Variants in BBS9 observed in about 807,000 individuals in gnomAD.
BBS9 encodes the protein Bardet-Biedl syndrome 9.
Under a neutral mutation model 117.7 loss-of-function variants are expected in BBS9, and 89 were observed. That is an observed-to-expected ratio of 0.76 (90% confidence interval 0.64 to 0.90). BBS9 has a LOEUF of 0.90. Among genes scored for constraint, BBS9 ranks in the 40% least tolerant of loss-of-function variants. The pLI is 0.00. For missense variants in BBS9, 982 were observed against 1,042.2 expected, an observed-to-expected ratio of 0.94 and a Z score of 0.80; for synonymous variants, 379 against 370.9, an observed-to-expected ratio of 1.02 and a Z score of -0.25.
At chr7:33,409,176 C>A (rs1057476973) in intron 19 of BBS9, among the ~76,000 whole-genome samples, 2 of 152,120 alleles carry the variant, frequency 1.3e-5, no homozygotes, top group Non-Finnish European at 2.9e-5. Context: ...CCCACTTGCC[C>A]ATTTTTGTTT....
intron 5 of BBS9, among the ~76,000 whole-genome samples, chr7:33,209,541 T>C (rs1216408855): frequency 6.6e-6 from 1 of 152,224 alleles, no homozygotes; most frequent in African/African-American, 2.4e-5. Context: ...ACAGTGATTG[T>C]ACTAATTATT....
At chr7:33,306,483 T>A (rs1257463633) in intron 9 of BBS9, among the ~76,000 whole-genome samples, 1 of 152,062 alleles carries the variant, frequency 6.6e-6, no homozygotes, top group African/African-American at 2.4e-5. Context: ...AAAATATGAG[T>A]CTTTTACAAT....
intron 9 of BBS9, among the ~76,000 whole-genome samples, chr7:33,285,082 C>CT (rs1802630606): frequency 1.3e-5 from 2 of 151,814 alleles, no homozygotes; most frequent in Admixed American, 1.3e-4. Context: ...AATTTGCTAC[C>CT]TTTGTTTAGA....
chr7:33,460,071 A>G (rs767099861), intron 19 of BBS9, among the ~76,000 whole-genome samples: 5 of 152,076 alleles, frequency 3.3e-5, no homozygotes, highest in African/African-American at 4.8e-5. Flanking sequence ...ACTTTTTACC[A>G]TATGTAGTTT....
chr7:33,166,474 A>G (rs767289455), intron 4 of BBS9, among the ~76,000 whole-genome samples: 14 of 152,272 alleles, frequency 9.2e-5, no homozygotes, highest in Admixed American at 7.8e-4. Context: ...GGTGGAGTCT[A>G]CAGAGGCAGA....
At chr7:33,492,892 G>C (rs1319071954) in intron 19 of BBS9, among the ~76,000 whole-genome samples, 2 of 150,550 alleles carry the variant, frequency 1.3e-5, no homozygotes, top group African/African-American at 4.9e-5. Context: ...AGTGGAAAAT[G>C]CTTGGGCTTT....
At chr7:33,458,127 T>C (rs1432914966) in intron 19 of BBS9, among the ~76,000 whole-genome samples, 1 of 152,184 alleles carries the variant, frequency 6.6e-6, no homozygotes, top group African/African-American at 2.4e-5. Context: ...CTGTGCACTT[T>C]TTTGTTTTTT....
At chr7:33,502,160 G>A (rs1031515305) in intron 19 of BBS9, among the ~76,000 whole-genome samples, 6 of 152,000 alleles carry the variant, frequency 3.9e-5, no homozygotes, top group East Asian at 1.9e-4. Flanking sequence ...TGCCCGCCTC[G>A]GCCTCCCAAA....
At chr7:33,411,157 C>T (rs1831078288) in intron 19 of BBS9, among the ~76,000 whole-genome samples, 1 of 151,572 alleles carries the variant, frequency 6.6e-6, no homozygotes, top group Admixed American at 6.6e-5. Context: ...GGATATTTGT[C>T]TAATGTTAAT....
intron 19 of BBS9, among the ~76,000 whole-genome samples, chr7:33,485,531 G>A (rs539108683): frequency 1.1e-3 from 172 of 152,000 alleles, no homozygotes; most frequent in Middle Eastern, 3.4e-3. Flanking sequence ...GGATGGTCTC[G>A]ATCTCCTGAC....
chr7:33,611,678 CTTAA>C (rs1023467570), intron 21 of BBS9, among the ~76,000 whole-genome samples: 6 of 129,990 alleles, frequency 4.6e-5, no homozygotes, highest in African/African-American at 8.7e-5. Flanking sequence ...ATATTTAATC[CTTAA>C]TTAATAATTA....
chr7:33,579,565 T>C (rs1245839848), intron 21 of BBS9, among the ~76,000 whole-genome samples: 2 of 152,312 alleles, frequency 1.3e-5, no homozygotes, highest in East Asian at 3.9e-4. Flanking sequence ...GTTTCAACAG[T>C]GGCTAGGATA....
At chr7:33,454,390 A>G (rs983093097) in intron 19 of BBS9, among the ~76,000 whole-genome samples, 2 of 152,144 alleles carry the variant, frequency 1.3e-5, no homozygotes, top group Non-Finnish European at 2.9e-5. Flanking sequence ...TGAGATGTCT[A>G]TGGCAGTGCT....
intron 5 of BBS9, among the ~76,000 whole-genome samples, chr7:33,198,471 A>G (rs1022067599): frequency 6.6e-6 from 1 of 152,030 alleles, no homozygotes; most frequent in Non-Finnish European, 1.5e-5. Flanking sequence ...GGAACTATGT[A>G]AAAAGAAAAG....
chr7:33,177,775 C>T lies in BBS9; in HGVS notation c.442+184C>T, dbSNP rs866883500. 30 of 595,062 alleles carry T rather than the reference C, an allele frequency of 5.0e-5. 1 individual carries two copies. The highest frequency in any genetic ancestry group is 4.9e-4 in the South Asian group (26 of 53,126). The allele number at this position is 595,062 out of a possible 1,614,324, so 36.9% of individuals were successfully genotyped here. A position where few individuals can be genotyped will look rare whatever the true frequency, so the allele number is the denominator to read the frequency against. ...ATACCACCCTGAATGTGCCTGATAT[C>T]GTCTGATCTTGGAAGCTAATCAGGG... On this transcript the variant is annotated intron_variant, in intron 5 of 22. Coordinates refer to ENST00000242067, the MANE Select transcript of BBS9 (RefSeq NM_198428.3).
chr7:33,410,540 A>G (rs1830928780), intron 19 of BBS9, among the ~76,000 whole-genome samples: 1 of 152,160 alleles, frequency 6.6e-6, no homozygotes, highest in Non-Finnish European at 1.5e-5. Flanking sequence ...TGTCAGAAAG[A>G]TTGAGACTCT....
At chr7:33,150,306 A>G (rs943571404) in intron 2 of BBS9, among the ~76,000 whole-genome samples, 4 of 152,100 alleles carry the variant, frequency 2.6e-5, no homozygotes, top group Non-Finnish European at 4.4e-5. Flanking sequence ...AAATTATCCA[A>G]TTTAATTTAA....
intron 17 of BBS9, 132 bp from the exon 18 acceptor site, chr7:33,383,534 G>A (rs1825458668): frequency 3.8e-6 from 3 of 798,134 alleles, no homozygotes; most frequent in African/African-American, 3.5e-5. Context: ...TTTTTATAAA[G>A]CCAGTGTAAT....
chr7:33,276,254 A>C (rs1257910779), intron 9 of BBS9, among the ~76,000 whole-genome samples: 1 of 152,228 alleles, frequency 6.6e-6, no homozygotes, highest in Non-Finnish European at 1.5e-5. Flanking sequence ...GACTCAATTA[A>C]CATAAAGTTT....
Sources: allele counts gnomAD v4.1 joint callset (sites outside exome capture counted in the v4.1 genomes callset), GRCh38; gene constraint gnomAD v4.1.1; transcripts MANE v1.5; gene names NCBI Gene and HGNC (gene_info 2026-07-23, HGNC 2026-07-21).